CCDC18: variants seen among roughly 807,000 people sequenced by gnomAD.
CCDC18 encodes coiled-coil domain containing 18, also known as coiled-coil domain-containing protein 18.
Under a neutral mutation model 196.0 loss-of-function variants are expected in CCDC18, and 157 were observed. The ratio of observed to expected loss-of-function variants is 0.80; its 90% CI spans 0.70 to 0.91. The LOEUF (loss-of-function observed/expected upper bound fraction) is 0.91, where lower values mean the gene tolerates loss of function less well. Ranked by LOEUF, CCDC18 falls within the 40% of genes least tolerant of loss-of-function variation. The pLI is 0.00. For missense variants in CCDC18, 1,465 were observed against 1,611.6 expected, an observed-to-expected ratio of 0.91 and a Z score of 1.56; for synonymous variants, 482 against 529.2, an observed-to-expected ratio of 0.91 and a Z score of 1.22.
intron 6 of CCDC18, among the ~76,000 whole-genome samples, chr1:93,196,589 G>T (rs1235096572): frequency 2.6e-5 from 4 of 152,254 alleles, no homozygotes; most frequent in Admixed American, 2.0e-4. Context: ...AAGGAGAAAA[G>T]AACAAATCTG....
intron 7 of CCDC18, among the ~76,000 whole-genome samples, chr1:93,204,785 A>G (rs1476826471): frequency 1.3e-5 from 2 of 151,954 alleles, no homozygotes; most frequent in Non-Finnish European, 2.9e-5. Flanking sequence ...TTTAAGTTTT[A>G]GGGTACTGAA....
chr1:93,248,578 G>A (rs1473367214), intron 23 of CCDC18, among the ~76,000 whole-genome samples: 1 of 152,078 alleles, frequency 6.6e-6, no homozygotes, highest in Non-Finnish European at 1.5e-5. Flanking sequence ...ATTTTGTTGT[G>A]GATTCTGCCT....
chr1:93,274,274 G>A (rs1430814985), intron 28 of CCDC18, among the ~76,000 whole-genome samples: 3 of 151,372 alleles, frequency 2.0e-5, no homozygotes, highest in Admixed American at 6.6e-5. Context: ...ATGGTGGTGC[G>A]CACCTGTAAT....
chr1:93,256,665 C>A, intron 25 of CCDC18, 127 bp downstream of exon 25: 2 of 752,888 alleles, frequency 2.7e-6, no homozygotes, highest in Non-Finnish European at 4.4e-6. Flanking sequence ...GTACTTAATC[C>A]CACCGAATTA....
intron 25 of CCDC18, 86 bp downstream of exon 25, chr1:93,256,624 A>G (rs973282067): frequency 4.6e-6 from 5 of 1,086,450 alleles, no homozygotes; most frequent in South Asian, 4.4e-5. Context: ...AGTTCTTTCA[A>G]AAATGAACTG....
intron 21 of CCDC18, among the ~76,000 whole-genome samples, chr1:93,240,342 T>G (rs937158234): frequency 1.3e-5 from 2 of 152,092 alleles, no homozygotes; most frequent in African/African-American, 4.8e-5. Context: ...ATGCCCCAAG[T>G]CATACAGGTA....
intron 26 of CCDC18, among the ~76,000 whole-genome samples, chr1:93,260,253 G>A (rs1489157454): frequency 2.0e-5 from 3 of 152,216 alleles, no homozygotes; most frequent in South Asian, 2.1e-4. Context: ...GTGTGGTGGC[G>A]CATGCCTATA....
Position 93,239,981 on chromosome 1 carries a change from A to G in CCDC18, c.2981+85A>G, listed in dbSNP as rs182091262. 4.7e-4 allele frequency: 445 copies of G among 956,500 alleles called. 5 individuals carry two copies. The Admixed American group carries it at 9.9e-3, about 21-fold the overall frequency. 59.3% of individuals were successfully genotyped at this position (956,500 alleles called of 1,614,324 possible). A position where few individuals can be genotyped will look rare whatever the true frequency, so the allele number is the denominator to read the frequency against. ...TATGTTGTTGCATTCTAGACGTCTA[A>G]ATTTCTCAACTGTCTTTGGCTCACT... On this transcript the variant is annotated intron_variant, in intron 21 of 28. Transcript: ENST00000690025.
chr1:93,276,734 C>A (rs1345314708), intron 28 of CCDC18, among the ~76,000 whole-genome samples: 2 of 151,960 alleles, frequency 1.3e-5, no homozygotes, highest in Admixed American at 1.3e-4. Flanking sequence ...GGCCTTTTTC[C>A]TCTATTTTTC....
At chr1:93,190,703 G>C in intron 4 of CCDC18, 1 of 349,582 alleles carries the variant, frequency 2.9e-6, no homozygotes, top group Non-Finnish European at 5.2e-6. Context: ...ATAAACTCAA[G>C]ATTTTATTGT....
rs763588283 is a variant in CCDC18 at position 93,226,351 on chromosome 1, G to A, written c.2194G>A (p.Ala732Thr). 4 of 1,529,038 alleles carry A rather than the reference G, an allele frequency of 2.6e-6. No homozygotes were observed. In the African/African-American group the frequency reaches 4.5e-5, roughly 17 times the overall value. The allele number at this position is 1,529,038 out of a possible 1,614,324, so 94.7% of individuals were successfully genotyped here. A position where few individuals can be genotyped will look rare whatever the true frequency, so the allele number is the denominator to read the frequency against. Residue 732 changes from alanine to threonine, a missense_variant, in exon 17 of 29, where the codon GCA (alanine) becomes ACA (threonine). Physicochemically the swap from Ala to Thr is moderately conservative, Grantham distance 58. Transcript: ENST00000690025. ...TGCTTAGGTTAGGCAACTAGATTCA[G>A]CATTGGAAATTTGTAAGGAAGAACT... ...ETIKVRQLDS[A>T]LEICKEELVL...
chr1:93,275,008 A>T (rs1665553082), intron 28 of CCDC18, among the ~76,000 whole-genome samples: 1 of 152,242 alleles, frequency 6.6e-6, no homozygotes, highest in Admixed American at 6.5e-5. Context: ...CCTACAGCGC[A>T]TGAGCCTCAG....
Position 93,246,136 on chromosome 1 carries a change from C to T in CCDC18, c.3013C>T (p.Gln1005Ter). The change falls in exon 22 of 29, where the codon CAG becomes TAG. Residue 1005 changes from glutamine to a stop codon, truncating the protein, a stop_gained. Coordinates refer to ENST00000690025, the MANE Select transcript of CCDC18 (RefSeq NM_001378204.1). LOFTEE classifies it high-confidence loss of function. ...CAAGATGGAGATTGAAGACAAAAAG[C>T]AGGAGCTCCTTGAAATGGATCAGGC... ...ECKMEIEDKK[Q>*]ELLEMDQALK... 1 of 1,605,178 alleles carries T rather than the reference C, an allele frequency of 6.2e-7. No individual in the cohort carries two copies.
intron 1 of CCDC18, 50 bp downstream of exon 1, chr1:93,180,902 C>T (rs778865709): frequency 1.5e-6 from 2 of 1,359,738 alleles, no homozygotes; most frequent in Non-Finnish European, 2.0e-6. Flanking sequence ...TGCGCCTTGG[C>T]GTGGGGAAAC....
intron 23 of CCDC18, among the ~76,000 whole-genome samples, chr1:93,252,455 ATTT>A (rs908343990): frequency 6.6e-6 from 1 of 151,922 alleles, no homozygotes. Flanking sequence ...CAGCTCCAAA[ATTT>A]TTGTTTGATT....
At chr1:93,228,549 T>G (rs1658762624) in intron 17 of CCDC18, among the ~76,000 whole-genome samples, 1 of 152,226 alleles carries the variant, frequency 6.6e-6, no homozygotes, top group South Asian at 2.1e-4. Flanking sequence ...CGGTCATGTC[T>G]TCTTCTGTCT....
intron 23 of CCDC18, among the ~76,000 whole-genome samples, chr1:93,252,397 G>A (rs969985345): frequency 1.3e-5 from 2 of 152,120 alleles, no homozygotes; most frequent in Middle Eastern, 3.4e-3. Flanking sequence ...GACCCATTCT[G>A]CTGTTGATGC....
chr1:93,238,376 T>G (rs1378701412), intron 19 of CCDC18, among the ~76,000 whole-genome samples: 1 of 152,202 alleles, frequency 6.6e-6, no homozygotes, highest in African/African-American at 2.4e-5. Flanking sequence ...GATGTATACA[T>G]GTACATTATA....
chr1:93,231,161 C>A (rs1294568237), intron 17 of CCDC18, among the ~76,000 whole-genome samples: 3 of 152,200 alleles, frequency 2.0e-5, no homozygotes, highest in Admixed American at 6.5e-5. Context: ...AAAAAAGAAG[C>A]AAGTCGTGAT....
Sources: gnomAD v4.1 joint callset for allele counts (sites outside exome capture counted in the v4.1 genomes callset) on GRCh38, gnomAD v4.1.1 for gene constraint, MANE v1.5 for transcripts, NCBI Gene and HGNC (gene_info 2026-07-23, HGNC 2026-07-21) for gene names.